Variants in PTPRD observed in about 807,000 individuals in gnomAD.
PTPRD encodes receptor-type tyrosine-protein phosphatase delta.
PTPRD carries 34 observed loss-of-function variants against 214.5 expected under a neutral mutation model. That is an observed-to-expected ratio of 0.16 (90% confidence interval 0.12 to 0.21). PTPRD has a LOEUF of 0.21. Among genes scored for constraint, PTPRD ranks in the 10% least tolerant of loss-of-function variants. The pLI is 1.00. For missense variants in PTPRD, 2,545 were observed against 2,398.7 expected, an observed-to-expected ratio of 1.06 and a Z score of -1.27; for synonymous variants, 1,128 against 845.7, an observed-to-expected ratio of 1.33 and a Z score of -5.79.
chr9:8,361,774 A>G (rs1383634934), intron 39 of PTPRD, among the ~76,000 whole-genome samples: 3 of 152,040 alleles, frequency 2.0e-5, no homozygotes, highest in African/African-American at 7.3e-5. Flanking sequence ...ACTTTGGGGT[A>G]TGTTTGAAAA....
At chr9:9,316,192 C>A (rs1057450459) in intron 9 of PTPRD, among the ~76,000 whole-genome samples, 1 of 151,858 alleles carries the variant, frequency 6.6e-6, no homozygotes. Flanking sequence ...GAGATTGCTA[C>A]ACAAATAAAG....
chr9:9,881,398 C>A (rs2153738928), intron 5 of PTPRD, among the ~76,000 whole-genome samples: 1 of 152,250 alleles, frequency 6.6e-6, no homozygotes, highest in African/African-American at 2.4e-5. Flanking sequence ...CCCCAGTTCT[C>A]TGCTCTTGTA....
chr9:9,175,682 C>CA (rs768139515), intron 10 of PTPRD, among the ~76,000 whole-genome samples: 12 of 145,718 alleles, frequency 8.2e-5, no homozygotes, highest in Non-Finnish European at 1.4e-4. Context: ...GCTTAGGACT[C>CA]AAAAATATAC....
intron 3 of PTPRD, among the ~76,000 whole-genome samples, chr9:10,256,915 C>T (rs1033642550): frequency 1.3e-4 from 20 of 152,314 alleles, no homozygotes; most frequent in African/African-American, 4.8e-4. Context: ...TTAGTTCCAT[C>T]ACTTCCTCTA....
At chr9:9,130,433 T>A (rs1226163012) in intron 10 of PTPRD, among the ~76,000 whole-genome samples, 1 of 152,190 alleles carries the variant, frequency 6.6e-6, no homozygotes, top group East Asian at 1.9e-4. Flanking sequence ...ATCTTTCTGT[T>A]TCACTGTGTT....
At chr9:9,344,121 G>A (rs1231101722) in intron 9 of PTPRD, among the ~76,000 whole-genome samples, 1 of 152,084 alleles carries the variant, frequency 6.6e-6, no homozygotes, top group African/African-American at 2.4e-5. Context: ...ATTGGCATCA[G>A]ACATGACAAC....
At chr9:9,889,455 A>G (rs1484808540) in intron 5 of PTPRD, among the ~76,000 whole-genome samples, 1 of 152,142 alleles carries the variant, frequency 6.6e-6, no homozygotes, top group South Asian at 2.1e-4. Context: ...TGAGGAGGCA[A>G]CTCCTACACT....
At chr9:8,344,151 T>C (rs921883295) in intron 39 of PTPRD, among the ~76,000 whole-genome samples, 1 of 152,114 alleles carries the variant, frequency 6.6e-6, no homozygotes, top group African/African-American at 2.4e-5. Flanking sequence ...GTAACATCTT[T>C]CGTTCTTTCT....
At chr9:8,670,160 T>C (rs2097254045) in intron 12 of PTPRD, among the ~76,000 whole-genome samples, 1 of 152,040 alleles carries the variant, frequency 6.6e-6, no homozygotes, top group Non-Finnish European at 1.5e-5. Flanking sequence ...GGAAAAGGCA[T>C]CAGAAAAAGA....
chr9:9,832,678 T>A lies in PTPRD; in HGVS notation c.-367-65827A>T, dbSNP rs2055285214. 2.6e-5 allele frequency among the ~76,000 whole-genome samples: 4 copies of A among 152,058 alleles called. No homozygotes were observed. In the South Asian group the frequency reaches 8.3e-4, roughly 31 times the overall value. ...AAAGGAAGCTTTTAAAAAGAGTTTTTAAAATAAATGCAAGGAAGACATAGA... is the reference window on the plus strand; with the variant it reads ...AAAGGAAGCTTTTAAAAAGAGTTTTAAAAATAAATGCAAGGAAGACATAGA... On this transcript the variant is annotated intron_variant, in intron 5 of 45. Coordinates refer to ENST00000381196, the MANE Select transcript of PTPRD (RefSeq NM_002839.4).
At chr9:9,916,615 G>A (rs2080894820) in intron 5 of PTPRD, among the ~76,000 whole-genome samples, 2 of 151,784 alleles carry the variant, frequency 1.3e-5, no homozygotes, top group African/African-American at 4.8e-5. Context: ...TAGGGTGAAA[G>A]TTATAAAAAA....
intron 12 of PTPRD, among the ~76,000 whole-genome samples, chr9:8,673,761 C>T (rs1043816584): frequency 6.6e-6 from 1 of 152,126 alleles, no homozygotes; most frequent in Admixed American, 6.6e-5. Context: ...TGTGTATGTT[C>T]AATTGGCATA....
chr9:10,140,817 T>C lies in PTPRD; in HGVS notation c.-544-107027A>G, dbSNP rs1261496354. Among the ~76,000 whole-genome samples the C allele has an allele frequency of 4.0e-5, 6 of 151,796 alleles. No homozygotes were observed. The South Asian group carries it at 8.3e-4, about 21-fold the overall frequency. On this transcript the variant is annotated intron_variant, in intron 3 of 45. Coordinates refer to ENST00000381196, the MANE Select transcript of PTPRD (RefSeq NM_002839.4). Reference sequence around the variant, plus strand: ...ACCAAAAAAGAGAATTTTAGACCAATATCCTTGATGAACATTGATGCAAAA... The same window carrying C: ...ACCAAAAAAGAGAATTTTAGACCAACATCCTTGATGAACATTGATGCAAAA...
intron 12 of PTPRD, among the ~76,000 whole-genome samples, chr9:8,639,051 C>T (rs982331558): frequency 1.3e-5 from 2 of 152,088 alleles, no homozygotes; most frequent in African/African-American, 4.8e-5. Context: ...CCATGTGGGC[C>T]AGAATGGTCT....
At chr9:9,427,418 A>C (rs1351711719) in intron 8 of PTPRD, among the ~76,000 whole-genome samples, 1 of 152,214 alleles carries the variant, frequency 6.6e-6, no homozygotes, top group East Asian at 1.9e-4. Flanking sequence ...CTATGTGAAA[A>C]GACCAAATCT....
intron 7 of PTPRD, among the ~76,000 whole-genome samples, chr9:9,730,390 G>A (rs1302199650): frequency 6.6e-6 from 1 of 151,988 alleles, no homozygotes; most frequent in East Asian, 1.9e-4. Context: ...GGTTAAGTGG[G>A]TTTCTATAGA....
At chr9:9,735,425 T>C (rs2098275597) in intron 6 of PTPRD, among the ~76,000 whole-genome samples, 1 of 152,118 alleles carries the variant, frequency 6.6e-6, no homozygotes, top group South Asian at 2.1e-4. Context: ...ACACATGTCT[T>C]TCTTTGAAAG....
At chr9:9,671,517 G>A (rs911367132) in intron 7 of PTPRD, among the ~76,000 whole-genome samples, 1 of 152,080 alleles carries the variant, frequency 6.6e-6, no homozygotes, top group Non-Finnish European at 1.5e-5. Context: ...GGAGGGGCCA[G>A]GGGCAGAATG....
At chr9:9,155,104 T>C (rs1469294258) in intron 10 of PTPRD, among the ~76,000 whole-genome samples, 1 of 152,170 alleles carries the variant, frequency 6.6e-6, no homozygotes, top group Non-Finnish European at 1.5e-5. Context: ...ATCAGTTTCT[T>C]ATGTAGTACG....
Sources: gnomAD v4.1 joint callset for allele counts (sites outside exome capture counted in the v4.1 genomes callset) on GRCh38, gnomAD v4.1.1 for gene constraint, MANE v1.5 for transcripts, NCBI Gene and HGNC (gene_info 2026-07-23, HGNC 2026-07-21) for gene names.